The following RAB3C variants were observed in gnomAD, a reference collection of about 807,000 sequenced individuals.
The protein encoded by RAB3C is ras-related protein Rab-3C.
Under a neutral mutation model 26.4 loss-of-function variants are expected in RAB3C, and 17 were observed. The observed-to-expected ratio is 0.64, with a 90% CI of 0.44 to 0.97. The LOEUF is 0.97. Among genes scored for constraint, RAB3C ranks in the 50% least tolerant of loss-of-function variants. RAB3C has a pLI of 0.00. For missense variants in RAB3C, 242 were observed against 281.9 expected (o/e 0.86, Z 1.01); for synonymous variants, 91 against 95.9 (o/e 0.95, Z 0.30).
chr5:58,790,140 A>C (rs1176210492), intron 3 of RAB3C, among the ~76,000 whole-genome samples: 1 of 152,202 alleles, frequency 6.6e-6, no homozygotes, highest in Non-Finnish European at 1.5e-5. Context: ...TCTCAAACTC[A>C]GCATGTCCAA....
chr5:58,595,832 A>G (rs1341783364), intron 1 of RAB3C, among the ~76,000 whole-genome samples: 1 of 152,140 alleles, frequency 6.6e-6, no homozygotes, highest in African/African-American at 2.4e-5. Context: ...AACCTTATGT[A>G]TATTTTATCA....
At chr5:58,611,935 A>G (rs1746712462) in intron 1 of RAB3C, among the ~76,000 whole-genome samples, 1 of 152,104 alleles carries the variant, frequency 6.6e-6, no homozygotes, top group African/African-American at 2.4e-5. Context: ...GTCCAGTTTC[A>G]ATCTTCTGCA....
At chr5:58,638,686 T>C (rs972730015) in intron 2 of RAB3C, among the ~76,000 whole-genome samples, 4 of 152,118 alleles carry the variant, frequency 2.6e-5, no homozygotes, top group East Asian at 1.9e-4. Flanking sequence ...GAATTGAAAA[T>C]AGCAGGAAAC....
intron 2 of RAB3C, among the ~76,000 whole-genome samples, chr5:58,660,096 C>A (rs894639120): frequency 1.4e-5 from 2 of 140,880 alleles, no homozygotes; most frequent in South Asian, 4.1e-4. Context: ...TGAGCCACCA[C>A]ACCTGGCTTT....
intron 1 of RAB3C, among the ~76,000 whole-genome samples, chr5:58,586,068 A>G (rs1380445803): frequency 6.6e-6 from 1 of 152,058 alleles, no homozygotes; most frequent in Admixed American, 6.5e-5. Flanking sequence ...ATTCTAGTTT[A>G]TCTAGTGCTT....
chr5:58,807,977 G>A (rs1175676006), intron 3 of RAB3C, among the ~76,000 whole-genome samples: 1 of 152,122 alleles, frequency 6.6e-6, no homozygotes, highest in Non-Finnish European at 1.5e-5. Flanking sequence ...TGTAATCCCA[G>A]TGCTTTGGGA....
At chr5:58,655,213 G>A (rs1165763694) in intron 2 of RAB3C, among the ~76,000 whole-genome samples, 1 of 151,968 alleles carries the variant, frequency 6.6e-6, no homozygotes, top group Non-Finnish European at 1.5e-5. Context: ...AAAACCTCAG[G>A]GAATACTTTA....
intron 4 of RAB3C, among the ~76,000 whole-genome samples, chr5:58,840,328 T>C (rs1445875394): frequency 6.6e-6 from 1 of 152,218 alleles, no homozygotes; most frequent in Admixed American, 6.5e-5. Flanking sequence ...CTTGTTCTTT[T>C]TAATGATACC....
At chr5:58,845,143 T>C (rs1383642066) in intron 4 of RAB3C, among the ~76,000 whole-genome samples, 2 of 152,026 alleles carry the variant, frequency 1.3e-5, no homozygotes, top group Non-Finnish European at 2.9e-5. Flanking sequence ...AGCGCCAGAG[T>C]GACATCCTGG....
chr5:58,845,863 T>C (rs1743987766), intron 4 of RAB3C, among the ~76,000 whole-genome samples: 1 of 151,810 alleles, frequency 6.6e-6, no homozygotes, highest in Non-Finnish European at 1.5e-5. Context: ...CTCTGCCTTT[T>C]CCCTCACTCT....
chr5:58,840,818 C>T (rs1266054426), intron 4 of RAB3C, among the ~76,000 whole-genome samples: 4 of 152,126 alleles, frequency 2.6e-5, no homozygotes, highest in African/African-American at 7.2e-5. Context: ...GGCTGTTTCT[C>T]AGGTTGGAGG....
intron 3 of RAB3C, among the ~76,000 whole-genome samples, chr5:58,786,028 T>C (rs775655623): frequency 6.6e-6 from 1 of 152,196 alleles, no homozygotes; most frequent in Non-Finnish European, 1.5e-5. Context: ...TTGGCCCTGC[T>C]AAGGACACAC....
intron 3 of RAB3C, among the ~76,000 whole-genome samples, chr5:58,818,762 A>G (rs946546760): frequency 3.9e-5 from 6 of 152,242 alleles, no homozygotes; most frequent in African/African-American, 1.4e-4. Flanking sequence ...GTCTCTACCC[A>G]ACAAAGAAAT....
chr5:58,829,344 G>A lies in RAB3C; in HGVS notation c.496+4182G>A, dbSNP rs114933937. Reference sequence around the variant, plus strand: ...TTTAAGTTTTAAATGTACAACTACTGTTTTAAATGAGAAAAAAATTTGGAG... The same window carrying A: ...TTTAAGTTTTAAATGTACAACTACTATTTTAAATGAGAAAAAAATTTGGAG... On this transcript the variant is annotated intron_variant, in intron 4 of 4. Transcript: ENST00000282878. Among the ~76,000 whole-genome samples the A allele has an allele frequency of 9.0e-3, 1,374 of 152,120 alleles. 25 individuals are homozygous for A. Among genetic ancestry groups the A allele is most frequent in the African/African-American group, 0.032 (1,309 of 41,498 alleles).
At chr5:58,733,323 G>C (rs1385346540) in intron 3 of RAB3C, among the ~76,000 whole-genome samples, 4 of 152,076 alleles carry the variant, frequency 2.6e-5, no homozygotes, top group African/African-American at 4.8e-5. Flanking sequence ...TTAATTAATT[G>C]GAGTGTTTTA....
At chr5:58,646,914 C>T (rs890875507) in intron 2 of RAB3C, among the ~76,000 whole-genome samples, 1 of 152,192 alleles carries the variant, frequency 6.6e-6, no homozygotes, top group African/African-American at 2.4e-5. Context: ...TGTACAGAAT[C>T]AGCTAAGGAG....
At chr5:58,829,784 T>A (rs1226579519) in intron 4 of RAB3C, among the ~76,000 whole-genome samples, 1 of 152,168 alleles carries the variant, frequency 6.6e-6, no homozygotes, top group African/African-American at 2.4e-5. Context: ...TTCCTTCTTG[T>A]CCAGCACTGA....
chr5:58,627,355 C>CCCCATAT (rs1579824766), intron 2 of RAB3C, among the ~76,000 whole-genome samples: 3 of 95,686 alleles, frequency 3.1e-5, no homozygotes, highest in African/African-American at 8.6e-5. Flanking sequence ...AACACAGCTA[C>CCCCATAT]TCGGGAGGCT....
chr5:58,597,594 ATATATAAG>A (rs1468153162), intron 1 of RAB3C, among the ~76,000 whole-genome samples: 9 of 130,958 alleles, frequency 6.9e-5, no homozygotes, highest in South Asian at 2.4e-4. Context: ...ATAGTTCATT[ATATATAAG>A]CATATAACAA....
Sources: allele counts gnomAD v4.1 joint callset (sites outside exome capture counted in the v4.1 genomes callset), GRCh38; gene constraint gnomAD v4.1.1; transcripts MANE v1.5; gene names NCBI Gene and HGNC (gene_info 2026-07-23, HGNC 2026-07-21).